PRDM1: variants seen among roughly 807,000 people sequenced by gnomAD.
PRDM1 encodes the protein PR/SET domain 1, also known as PR domain zinc finger protein 1.
A neutral mutation model predicts 62.8 loss-of-function variants in PRDM1; 13 were observed. The ratio of observed to expected loss-of-function variants is 0.21; its 90% CI spans 0.13 to 0.33. The LOEUF is 0.33. PRDM1 is among the 10% of genes least tolerant of loss of function. PRDM1 has a pLI of 1.00. For synonymous variants in PRDM1, 396 were observed against 417.6 expected (o/e 0.95, Z 0.63); for missense variants, 895 against 1,058.8 (o/e 0.85, Z 2.15).
At position 106,107,143 on chromosome 6, in the gene PRDM1, C is replaced by T. The variant is rs748874731; in HGVS notation, c.2135C>T (p.Ala712Val). ...LKVHLKGNCA[A>V]APAPGLPLED... Reference sequence around the variant, plus strand: ...GTTCACCTGAAAGGGAACTGCGCTGCGGCCCCGGCGCCTGGGCTGCCCTTG... The same window carrying T: ...GTTCACCTGAAAGGGAACTGCGCTGTGGCCCCGGCGCCTGGGCTGCCCTTG... Residue 712 changes from alanine (A) to valine (V), a missense_variant, in exon 7 of 7, where the codon GCG becomes GTG. Physicochemically the swap from Ala to Val is moderately conservative, Grantham distance 64. Around this residue, in one of 4 missense-constraint regions of PRDM1, gnomAD observed 164 missense variants for 179.9 expected, o/e 0.91. Transcript: ENST00000369096. 3.0e-5 allele frequency: 49 copies of T among 1,614,016 alleles called. No individual in the cohort carries two copies. Among genetic ancestry groups the T allele is most frequent in the Non-Finnish European group, 3.8e-5 (45 of 1,179,994 alleles).
At chr6:106,038,924 T>C (rs1772956481) in intron 1 of PRDM1, among the ~76,000 whole-genome samples, 1 of 152,230 alleles carries the variant, frequency 6.6e-6, no homozygotes, top group Non-Finnish European at 1.5e-5. Flanking sequence ...TCCCTACTCC[T>C]TCTTTCCAGA....
rs553921918 is a variant in PRDM1 at position 105,994,778 on chromosome 6, G to T, written c.-67+1139G>T. ...TTCCTAACGACATCTTCTTGGAGCA[G>T]ATTCCGCGGCGGGGATGGCTGGGTG... On this transcript the variant is annotated intron_variant, in intron 1 of 6. Coordinates refer to the PRDM1 transcript ENST00000652320. This position sits in a 1 kb window ranked among gnomAD's most constrained non-coding sequence, Gnocchi z 4.1. 1.3e-5 allele frequency among the ~76,000 whole-genome samples: 2 copies of T among 152,352 alleles called. No individual in the cohort carries two copies. Among genetic ancestry groups the T allele is most frequent in the East Asian group, 3.9e-4 (2 of 5,186 alleles).
intron 1 of PRDM1, among the ~76,000 whole-genome samples, chr6:106,054,634 A>T (rs905301644): frequency 6.6e-5 from 10 of 152,246 alleles, no homozygotes; most frequent in Admixed American, 5.2e-4. Context: ...GATCAGTGTC[A>T]GATTAATGTA....
At chr6:106,073,183 C>T (rs931136828) in intron 1 of PRDM1, among the ~76,000 whole-genome samples, 2 of 149,914 alleles carry the variant, frequency 1.3e-5, no homozygotes, top group African/African-American at 2.5e-5. Context: ...GGCGCAATCT[C>T]GGCCCACTGC....
intron 1 of PRDM1, among the ~76,000 whole-genome samples, chr6:106,013,917 AG>A (rs1326226969): frequency 2.6e-5 from 4 of 152,122 alleles, no homozygotes; most frequent in Admixed American, 2.0e-4. Context: ...TCCTAACAAA[AG>A]GAGCTTCCTC....
upstream of PRDM1, among the ~76,000 whole-genome samples, chr6:106,084,104 A>G (rs1773745750): frequency 2.0e-5 from 3 of 151,666 alleles, no homozygotes; most frequent in African/African-American, 4.8e-5. Context: ...TTAAATGATG[A>G]TATCCATCAT....
upstream of PRDM1, among the ~76,000 whole-genome samples, chr6:106,043,611 G>C (rs971350970): frequency 2.6e-5 from 4 of 151,984 alleles, no homozygotes; most frequent in Non-Finnish European, 5.9e-5. Flanking sequence ...TTGGCTCCCC[G>C]CAACCTCCGC....
At chr6:106,001,920 C>A (rs1772431127) in intron 1 of PRDM1, among the ~76,000 whole-genome samples, 1 of 151,920 alleles carries the variant, frequency 6.6e-6, no homozygotes, top group Non-Finnish European at 1.5e-5. Flanking sequence ...AGATCTGAAA[C>A]TGGAAATATT....
chr6:106,081,960 G>A (rs918817756), upstream of PRDM1, among the ~76,000 whole-genome samples: 14 of 151,954 alleles, frequency 9.2e-5, no homozygotes, highest in African/African-American at 2.9e-4. Flanking sequence ...TATTCTTGGC[G>A]ACCTTCCCTT....
chr6:106,079,816 A>T (rs1192797934), intron 1 of PRDM1, among the ~76,000 whole-genome samples: 1 of 152,210 alleles, frequency 6.6e-6, no homozygotes, highest in Non-Finnish European at 1.5e-5. Flanking sequence ...CAAACAACAA[A>T]AAAAACCCAA....
Position 106,107,289 on chromosome 6 carries a change from G to A in PRDM1, c.2281G>A (p.Ala761Thr). The A allele has an allele frequency of 6.2e-7, 1 of 1,614,126 alleles. No individual in the cohort carries two copies. Among genetic ancestry groups the A allele is most frequent in the Non-Finnish European group, 8.5e-7 (1 of 1,180,028 alleles). ...VISVVEKEIL[A>T]VVRKEKEETG... The stretch of plus-strand genomic sequence containing the variant: ...CTCTGTAGTGGAGAAGGAAATTCTG[G>A]CCGTGGTCAGAAAAGAGAAAGAAGA... Residue 761 changes from alanine (A) to threonine (T), a missense_variant, in exon 7 of 7, where the codon GCC becomes ACC. Ala to Thr is a moderately conservative substitution (Grantham distance 58, BLOSUM62 0). This residue lies in a region of PRDM1 where 164 missense variants were observed against 179.9 expected (regional missense o/e 0.91). Coordinates refer to ENST00000369096, the MANE Select transcript of PRDM1 (RefSeq NM_001198.4).
chr6:106,071,287 C>T (rs1277840390), intron 1 of PRDM1, among the ~76,000 whole-genome samples: 1 of 151,768 alleles, frequency 6.6e-6, no homozygotes, highest in African/African-American at 2.4e-5. Context: ...AAGAATGCAT[C>T]TTATTATGCC....
At chr6:106,072,860 C>A (rs1773540880) in intron 1 of PRDM1, among the ~76,000 whole-genome samples, 2 of 152,178 alleles carry the variant, frequency 1.3e-5, no homozygotes, top group South Asian at 2.1e-4. Flanking sequence ...GCCAGTAGGC[C>A]TTTGAGCTTC....
At chr6:106,075,800 T>A (rs373445178) in intron 1 of PRDM1, among the ~76,000 whole-genome samples, 6 of 152,294 alleles carry the variant, frequency 3.9e-5, no homozygotes, top group African/African-American at 1.4e-4. Context: ...CAAGTGATCC[T>A]CCTGCCTCAG....
chr6:106,092,129 T>C (rs1773979344), intron 2 of PRDM1, among the ~76,000 whole-genome samples: 1 of 119,100 alleles, frequency 8.4e-6, no homozygotes, highest in African/African-American at 3.4e-5. Flanking sequence ...AGAAGGAATT[T>C]GAAAAAAAAA....
In PRDM1 at chr6:106,094,193, G is replaced by T. The variant is rs76088726; in HGVS notation, c.292-1422G>T. Among the ~76,000 whole-genome samples, 582 of 152,300 alleles carry T rather than the reference G, an allele frequency of 3.8e-3. 2 individuals are homozygous for T. The highest frequency in any genetic ancestry group is 0.014 in the African/African-American group (570 of 41,544). On this transcript the variant is annotated intron_variant, in intron 2 of 6. Transcript: ENST00000369096. ...CCATTTCAGGTACATGAATGTACAGGAGCTACTGGGAATATAAAAACTGGA... is the reference window on the plus strand; with the variant it reads ...CCATTTCAGGTACATGAATGTACAGTAGCTACTGGGAATATAAAAACTGGA...
At chr6:106,003,567 T>C (rs1772451645) in intron 1 of PRDM1, among the ~76,000 whole-genome samples, 1 of 152,232 alleles carries the variant, frequency 6.6e-6, no homozygotes, top group African/African-American at 2.4e-5. Context: ...GGTAACATAC[T>C]TCTGGCCCTT....
intron 1 of PRDM1, among the ~76,000 whole-genome samples, chr6:106,065,778 C>T (rs1043464666): frequency 9.8e-5 from 15 of 152,318 alleles, no homozygotes; most frequent in African/African-American, 2.4e-4. Flanking sequence ...TCCCTGCTTC[C>T]ATGGATTGAA....
intron 2 of PRDM1, among the ~76,000 whole-genome samples, chr6:106,091,346 A>G (rs903635885): frequency 6.6e-6 from 1 of 152,158 alleles, no homozygotes; most frequent in Non-Finnish European, 1.5e-5. Context: ...AAAGTATCTC[A>G]CCATAACATG....
Sources: gnomAD v4.1 joint callset for allele counts (sites outside exome capture counted in the v4.1 genomes callset) on GRCh38, gnomAD v4.1.1 for gene constraint, gnomAD v4.1.1 regional missense constraint, Gnocchi (gnomAD v3.1) non-coding constraint, MANE v1.5 for transcripts, NCBI Gene and HGNC (gene_info 2026-07-23, HGNC 2026-07-21) for gene names.